Variants in APC2 observed in about 807,000 individuals in gnomAD.
The protein encoded by APC2 is adenomatous polyposis coli protein 2.
Under a neutral mutation model 72.5 loss-of-function variants are expected in APC2, and 41 were observed. The ratio of observed to expected loss-of-function variants is 0.57; its 90% CI spans 0.44 to 0.73. The LOEUF is 0.73. Among genes scored for constraint, APC2 ranks in the 30% least tolerant of loss-of-function variants. The pLI is 0.00. For synonymous variants in APC2, 1,898 were observed against 1,612.0 expected (o/e 1.18, Z -4.25); for missense variants, 3,729 against 3,403.4 (o/e 1.10, Z -2.38).
intron 10 of APC2, chr19:1,458,277 G>A: frequency 1.7e-6 from 1 of 583,868 alleles, no homozygotes; most frequent in Non-Finnish European, 3.1e-6. Context: ...CTCCCGATCT[G>A]GTCTGAGGCT....
Position 1,468,988 on chromosome 19 carries a change from C to A in APC2, c.5687C>A (p.Ala1896Asp), listed in dbSNP as rs768481261. ...LPRKRPPVTQ[A>D]AGALPGPGAS... The stretch of plus-strand genomic sequence containing the variant: ...AGAAAGCGCCCCCCGGTCACCCAGG[C>A]TGCTGGGGCCCTGCCCGGCCCCGGA... Residue 1896 changes from alanine (A) to aspartate (D), a missense_variant, in exon 15 of 15, where the codon GCT (alanine) becomes GAT (aspartate). Physicochemically the swap from Ala to Asp is moderately radical, Grantham distance 126. Coordinates refer to ENST00000590469, the MANE Select transcript of APC2 (RefSeq NM_005883.3). 6.4e-7 allele frequency: 1 copy of A among 1,560,602 alleles called. No homozygotes were observed. Among genetic ancestry groups the A allele is most frequent in the Non-Finnish European group, 8.6e-7 (1 of 1,158,222 alleles).
chr19:1,460,155 C>A (rs756373196), intron 10 of APC2, 26 bp from the exon 11 acceptor site: 1 of 1,612,598 alleles, frequency 6.2e-7, no homozygotes, highest in Admixed American at 1.7e-5. Flanking sequence ...TCCCTGCCAC[C>A]CACCAACCTT....
rs1568174981 is a variant in APC2 at position 1,462,195 on chromosome 19, C to CA, written c.1853+19dup. 12 of 1,526,248 alleles carry CA rather than the reference C, an allele frequency of 7.9e-6. No homozygotes were observed. The highest frequency in any genetic ancestry group is 1.2e-5 in the South Asian group (1 of 80,674). The allele number at this position is 1,526,248 out of a possible 1,614,324, so 94.5% of individuals were successfully genotyped here. ...GACTACAGGTCGGCCCCCACCCCCC[C>CA]ACCCGCACACAGGCAGCTGCGCTCG... On this transcript the variant is annotated intron_variant, in intron 14 of 14. Coordinates refer to ENST00000590469, the MANE Select transcript of APC2 (RefSeq NM_005883.3).
rs756217331 is a variant in APC2, at chr19:1,466,059, G to A, written c.2758G>A (p.Ala920Thr). 33 of 1,513,170 alleles carry A rather than the reference G, an allele frequency of 2.2e-5. No individual in the cohort carries two copies. Among genetic ancestry groups the A allele is most frequent in the Admixed American group, 8.8e-5 (4 of 45,340 alleles). The allele number at this position is 1,513,170 out of a possible 1,614,324, so 93.7% of individuals were successfully genotyped here. A position where few individuals can be genotyped will look rare whatever the true frequency, so the allele number is the denominator to read the frequency against. Residue 920 changes from alanine (A) to threonine (T), a missense_variant, in exon 15 of 15, where the codon GCC becomes ACC. Ala to Thr is a moderately conservative substitution (Grantham distance 58). Transcript: ENST00000590469. The stretch of plus-strand genomic sequence containing the variant: ...GCTGCTGCGGCTCAAGGCGGCCCAC[G>A]CCAGCCTCTCCAACGACAGCCTCAA... Reference protein sequence around the residue: ...HPLLRLKAAHASLSNDSLNSG... With the variant: ...HPLLRLKAAHTSLSNDSLNSG...
rs955618059 is a variant in APC2 at position 1,465,655 on chromosome 19, C to T, written c.2354C>T (p.Ser785Leu). 3 of 1,602,318 alleles carry T rather than the reference C, an allele frequency of 1.9e-6. No individual in the cohort carries two copies. Among genetic ancestry groups the T allele is most frequent in the Non-Finnish European group, 2.6e-6 (3 of 1,175,550 alleles). The change falls in exon 15 of 15, where the codon TCA becomes TTA. Residue 785 changes from serine (S) to leucine (L), a missense_variant. Ser to Leu is a moderately radical substitution (Grantham distance 145). Coordinates refer to ENST00000590469, the MANE Select transcript of APC2 (RefSeq NM_005883.3). ...TGCTTTGACGACGACGATGCACCGT[C>T]ATCCCTGGCTGCGGCCGCGGCCACC... ...SGCFDDDDAP[S>L]SLAAAAATGE... is the part of the protein sequence containing the mutation.
chr19:1,462,949 C>G (rs1469337989), intron 14 of APC2, among the ~76,000 whole-genome samples: 2 of 145,594 alleles, frequency 1.4e-5, no homozygotes, highest in Non-Finnish European at 3.0e-5. Context: ...CCAGATTGGG[C>G]GACAGAGCAA....
rs949864607 is a variant in APC2 at position 1,465,499 on chromosome 19, G to T, written c.2198G>T (p.Arg733Leu). 2.6e-6 allele frequency: 4 copies of T among 1,524,978 alleles called. No individual in the cohort carries two copies. Among genetic ancestry groups the T allele is most frequent in the Non-Finnish European group, 3.5e-6 (4 of 1,139,544 alleles). 94.5% of individuals were successfully genotyped at this position (1,524,978 alleles called of 1,614,324 possible). ...GCGCTGGAGGCCGAGCTGGACGCACGGCACCTCGCGCAGGCGCTGGAGCAC... is the reference window on the plus strand; with the variant it reads ...GCGCTGGAGGCCGAGCTGGACGCACTGCACCTCGCGCAGGCGCTGGAGCAC... ...QRALEAELDA[R>L]HLAQALEHLE... Residue 733 changes from arginine (R) to leucine (L), a missense_variant, in exon 15 of 15, where the codon CGG becomes CTG. Transcript: ENST00000590469.
rs2084098122 is a variant in APC2, at chr19:1,469,664, A to T, written c.6363A>T (p.Ser2121=). Residue 2121 remains serine, a synonymous_variant, in exon 15 of 15, where the codon TCA becomes TCT. Coordinates refer to ENST00000590469, the MANE Select transcript of APC2 (RefSeq NM_005883.3). ...PDGAVPAAPA[S]ADAARRSSDG... The stretch of plus-strand genomic sequence containing the variant: ...GCGCCGTCCCCGCGGCCCCTGCCTC[A>T]GCCGACGCCGCGCGCCGCAGCAGCG... The T allele has an allele frequency of 7.9e-7, 1 of 1,263,362 alleles. No individual in the cohort carries two copies. 78.3% of individuals were successfully genotyped at this position (1,263,362 alleles called of 1,614,324 possible).
Position 1,456,356 on chromosome 19 carries a change from G to T in APC2, c.768G>T (p.Glu256Asp). 1 of 1,609,552 alleles carries T rather than the reference G, an allele frequency of 6.2e-7. No homozygotes were observed. Among genetic ancestry groups the T allele is most frequent in the Non-Finnish European group, 8.5e-7 (1 of 1,178,800 alleles). ...CGGTGGACGAGGACCCCGAGACAGA[G>T]GTCCCCACACACCCTGAGGATGGCA... is the stretch of plus-strand genomic sequence containing the variant. ...SVPVDEDPET[E>D]VPTHPEDGTP... The change falls in exon 8 of 15, where the codon GAG becomes GAT. Residue 256 changes from glutamate to aspartate, a missense_variant. Glu to Asp is a conservative substitution (Grantham distance 45). Transcript: ENST00000590469.
At chr19:1,464,011 A>C (rs8111188) in intron 14 of APC2, among the ~76,000 whole-genome samples, 1,741 of 146,238 alleles carry the variant, frequency 0.012, 43 homozygotes, top group African/African-American at 0.042. Flanking sequence ...TCCGTCTCTA[A>C]TAAAAATACA....
At chr19:1,457,313 G>A (rs1268331529) in intron 9 of APC2, 70 bp downstream of exon 9, 17 of 1,456,196 alleles carry the variant, frequency 1.2e-5, no homozygotes, top group Non-Finnish European at 1.4e-5. Flanking sequence ...GGGGATGGGC[G>A]ACTAGGACCT....
chr19:1,461,936 C>A, intron 13 of APC2, 27 bp from the exon 14 acceptor site: 1 of 1,579,484 alleles, frequency 6.3e-7, no homozygotes, highest in Non-Finnish European at 8.7e-7. Context: ...CAGGCCCTGA[C>A]CCGCCCCTCT....
Position 1,467,248 on chromosome 19 carries a change from C to A in APC2, c.3947C>A (p.Ala1316Glu), listed in dbSNP as rs1353683327. 1 of 1,325,720 alleles carries A rather than the reference C, an allele frequency of 7.5e-7. No homozygotes were observed. The allele number at this position is 1,325,720 out of a possible 1,614,324, so 82.1% of individuals were successfully genotyped here. Reference protein sequence around the residue: ...GGAGGAGLHFAGHRRREEGPA... With the variant: ...GGAGGAGLHFEGHRRREEGPA... ...GCCGGGGGCGCCGGCCTCCACTTTG[C>A]AGGGCACCGGCGGCGGGAGGAGGGG... The change falls in exon 15 of 15, where the codon GCA becomes GAA. Residue 1316 changes from alanine to glutamate, a missense_variant. Transcript: ENST00000590469.
rs773623344 is a variant in APC2 at position 1,467,931 on chromosome 19, G to A, written c.4630G>A (p.Gly1544Ser). The part of the protein sequence containing the change: ...PRAFTRERPQ[G>S]RKEAPAPSKA... ...CGCTTTTACGCGGGAGCGTCCGCAG[G>A]GCCGGAAGGAGGCCCCTGCCCCGTC... Residue 1544 changes from glycine (G) to serine (S), a missense_variant, in exon 15 of 15, where the codon GGC (glycine) becomes AGC (serine). Transcript: ENST00000590469. The A allele has an allele frequency of 6.3e-7, 1 of 1,585,910 alleles. No homozygotes were observed. Among genetic ancestry groups the A allele is most frequent in the Non-Finnish European group, 8.5e-7 (1 of 1,174,304 alleles).
chr19:1,447,458 T>C (rs1183643109), upstream of APC2, among the ~76,000 whole-genome samples: 3 of 151,832 alleles, frequency 2.0e-5, no homozygotes, highest in Non-Finnish European at 4.4e-5. Context: ...CCAGCAGCAG[T>C]AGGGGGCGTG....
At chr19:1,460,689 C>A in intron 11 of APC2, 91 bp from the exon 12 acceptor site, 1 of 1,317,128 alleles carries the variant, frequency 7.6e-7, no homozygotes, top group Non-Finnish European at 1.1e-6. Context: ...TCTGAGTTTG[C>A]AGCTGCAGCA....
upstream of APC2, among the ~76,000 whole-genome samples, chr19:1,447,201 CTCTA>C (rs970746758): frequency 6.6e-6 from 1 of 152,260 alleles, no homozygotes; most frequent in Non-Finnish European, 1.5e-5. Context: ...GGCGGGCCGT[CTCTA>C]TCCTCCCGCG....
rs1286902796 is a variant in APC2 at position 1,455,138 on chromosome 19, T to C, written c.414-11T>C. 1.3e-6 allele frequency: 2 copies of C among 1,555,878 alleles called. 1 individual carries two copies. Among genetic ancestry groups the C allele is most frequent in the Admixed American group, 4.3e-5 (2 of 46,384 alleles). Reference sequence around the variant, plus strand: ...GCCCTCTGAGCCCGCCCCCGCTGACTTGCTCCCCAGGTGTTTCCTGCTGAA... The same window carrying C: ...GCCCTCTGAGCCCGCCCCCGCTGACCTGCTCCCCAGGTGTTTCCTGCTGAA... On this transcript the variant is annotated splice_polypyrimidine_tract_variant and intron_variant, in intron 4 of 14. Coordinates refer to ENST00000590469, the MANE Select transcript of APC2 (RefSeq NM_005883.3).
chr19:1,468,777 C>A lies in APC2; in HGVS notation c.5476C>A (p.Pro1826Thr). 6.6e-7 allele frequency: 1 copy of A among 1,509,718 alleles called. No individual in the cohort carries two copies. Among genetic ancestry groups the A allele is most frequent in the South Asian group, 1.2e-5 (1 of 81,388 alleles). The allele number at this position is 1,509,718 out of a possible 1,614,324, so 93.5% of individuals were successfully genotyped here. ...GGTGGCGCCCCCTTGCCTGGCACAGCCCGCGGCTCCAGCCAAAGTCCCGAG... is the reference window on the plus strand; with the variant it reads ...GGTGGCGCCCCCTTGCCTGGCACAGACCGCGGCTCCAGCCAAAGTCCCGAG... The part of the protein sequence containing the change: ...RKVAPPCLAQ[P>T]AAPAKVPSPG... The change falls in exon 15 of 15, where the codon CCC becomes ACC. Residue 1826 changes from proline (P) to threonine (T), a missense_variant. Transcript: ENST00000590469.
Sources: allele counts gnomAD v4.1 joint callset (sites outside exome capture counted in the v4.1 genomes callset), GRCh38; gene constraint gnomAD v4.1.1; transcripts MANE v1.5; gene names NCBI Gene and HGNC (gene_info 2026-07-23, HGNC 2026-07-21).